TAS2R1: variants seen among roughly 807,000 people sequenced by gnomAD.
TAS2R1 encodes the protein taste 2 receptor member 1.
For synonymous variants in TAS2R1, 141 were observed against 134.2 expected (o/e 1.05, Z -0.35); for missense variants, 370 against 353.4 (o/e 1.05, Z -0.38).
At chr5:9,871,456 G>A in the TAS2R1 span, among the ~76,000 whole-genome samples, 2 of 152,168 alleles carry the variant, frequency 1.3e-5, no homozygotes, top group African/African-American at 2.4e-5. Context: ...CCCAAATCAT[G>A]CCACAGTGTC....
chr5:9,861,041 T>TTTTTTTTTTTTTTTTTTTTTC, the TAS2R1 span, among the ~76,000 whole-genome samples: 3 of 149,100 alleles, frequency 2.0e-5, no homozygotes, highest in Non-Finnish European at 4.5e-5. Context: ...GATGAGGTTT[T>TTTTTTTTTTTTTTTTTTTTTC]TTTTTTTTTT....
the TAS2R1 span, among the ~76,000 whole-genome samples, chr5:9,827,774 A>C: frequency 0.019 from 2,948 of 152,288 alleles, 97 homozygotes; most frequent in African/African-American, 0.064. Flanking sequence ...CAGAGACAGA[A>C]GGAGACCTTC....
At chr5:9,818,256 T>C in the TAS2R1 span, among the ~76,000 whole-genome samples, 1 of 152,168 alleles carries the variant, frequency 6.6e-6, no homozygotes, top group African/African-American at 2.4e-5. Context: ...GGGGAGGCTG[T>C]CAGTGAAGAC....
At chr5:9,831,462 T>C in the TAS2R1 span, among the ~76,000 whole-genome samples, 5 of 152,206 alleles carry the variant, frequency 3.3e-5, no homozygotes, top group Non-Finnish European at 7.4e-5. Flanking sequence ...AATACAGAAA[T>C]ATATATATGC....
At chr5:9,860,145 AAAG>A in the TAS2R1 span, among the ~76,000 whole-genome samples, 14 of 152,356 alleles carry the variant, frequency 9.2e-5, no homozygotes, top group East Asian at 1.3e-3. Flanking sequence ...AGAAATGCAT[AAAG>A]AAGAGACCAT....
chr5:9,891,748 G>A, the TAS2R1 span, among the ~76,000 whole-genome samples: 137 of 152,256 alleles, frequency 9.0e-4, no homozygotes, highest in Non-Finnish European at 1.7e-3. Context: ...ACCAGGACTC[G>A]TATTACACCC....
At chr5:9,883,264 A>C in the TAS2R1 span, 1 of 152,160 alleles carries the variant, frequency 6.6e-6, no homozygotes, top group Non-Finnish European at 1.5e-5. Context: ...AGAATAGCTA[A>C]TGCATCCTGG....
the TAS2R1 span, among the ~76,000 whole-genome samples, chr5:9,806,145 C>T: frequency 6.6e-6 from 1 of 151,996 alleles, no homozygotes; most frequent in South Asian, 2.1e-4. Flanking sequence ...ATCCCTTTTA[C>T]AATAGCTGCA....
chr5:9,901,408 G>A, the TAS2R1 span, among the ~76,000 whole-genome samples: 28 of 152,124 alleles, frequency 1.8e-4, no homozygotes, highest in African/African-American at 6.5e-4. Flanking sequence ...CAAAAGTTTA[G>A]GTATGCACAG....
At chr5:9,668,507 G>A (rs1028546180) in intron 1 of TAS2R1, among the ~76,000 whole-genome samples, 4 of 152,126 alleles carry the variant, frequency 2.6e-5, no homozygotes, top group African/African-American at 4.8e-5. Context: ...AAGACAGCCA[G>A]AGAGAAGGGG....
the TAS2R1 span, among the ~76,000 whole-genome samples, chr5:9,800,245 A>G: frequency 5.9e-5 from 9 of 152,252 alleles, no homozygotes; most frequent in African/African-American, 2.2e-4. Context: ...ACGCAGCCCA[A>G]TATGTCAATA....
At chr5:9,656,484 A>G (rs1200872571) in intron 2 of TAS2R1, among the ~76,000 whole-genome samples, 1 of 152,204 alleles carries the variant, frequency 6.6e-6, no homozygotes, top group Admixed American at 6.5e-5. Flanking sequence ...GTCTGAGTCT[A>G]ACTCCTAAAG....
chr5:9,794,294 T>C, the TAS2R1 span, among the ~76,000 whole-genome samples: 3 of 152,198 alleles, frequency 2.0e-5, no homozygotes, highest in Non-Finnish European at 2.9e-5. Context: ...TTGATTGATT[T>C]ATTATATTTA....
the TAS2R1 span, among the ~76,000 whole-genome samples, chr5:9,783,956 A>G: frequency 6.6e-6 from 1 of 152,162 alleles, no homozygotes; most frequent in Admixed American, 6.5e-5. Context: ...TCCCAGCTGC[A>G]TCTCTTCCTG....
At chr5:9,672,474 A>T (rs967089133) in intron 1 of TAS2R1, among the ~76,000 whole-genome samples, 3 of 152,156 alleles carry the variant, frequency 2.0e-5, no homozygotes, top group Non-Finnish European at 2.9e-5. Context: ...GTGGGCAAGG[A>T]CATAAACAGA....
the TAS2R1 span, among the ~76,000 whole-genome samples, chr5:9,767,706 G>C: frequency 6.6e-6 from 1 of 152,080 alleles, no homozygotes; most frequent in Non-Finnish European, 1.5e-5. Flanking sequence ...GAGGGTGGTG[G>C]ATCACTTGAG....
At chr5:9,871,798 C>T in the TAS2R1 span, among the ~76,000 whole-genome samples, 1 of 152,146 alleles carries the variant, frequency 6.6e-6, no homozygotes, top group Non-Finnish European at 1.5e-5. Flanking sequence ...TGCCATTGAG[C>T]ATTTTAATAT....
intron 1 of TAS2R1, among the ~76,000 whole-genome samples, chr5:9,700,858 C>T (rs565217310): frequency 1.3e-5 from 2 of 152,170 alleles, no homozygotes; most frequent in South Asian, 4.2e-4. Context: ...GATTTAAGAC[C>T]CATCCTAATA....
chr5:9,721,409 T>C, the TAS2R1 span, among the ~76,000 whole-genome samples: 1 of 152,184 alleles, frequency 6.6e-6, no homozygotes, highest in Admixed American at 6.5e-5. Context: ...GGTCAACTCT[T>C]CATCTGGGAA....
Sources: gnomAD v4.1 joint callset for allele counts (sites outside exome capture counted in the v4.1 genomes callset) on GRCh38, gnomAD v4.1.1 for gene constraint, MANE v1.5 for transcripts, NCBI Gene and HGNC (gene_info 2026-07-23, HGNC 2026-07-21) for gene names.